XKR9: variants seen among roughly 807,000 people sequenced by gnomAD.
XKR9 encodes the protein XK related 9.
A neutral mutation model predicts 32.0 loss-of-function variants in XKR9; 32 were observed. The observed-to-expected ratio is 1.00, with a 90% CI of 0.76 to 1.34. The LOEUF is 1.34. XKR9 is among the 40% of genes most tolerant of loss of function. The probability of loss-of-function intolerance (pLI) is 0.00; values close to 1 mark genes in which losing one functional copy is unlikely to be tolerated. For synonymous variants in XKR9, 168 were observed against 143.4 expected (o/e 1.17, Z -1.22); for missense variants, 546 against 429.7 (o/e 1.27, Z -2.39).
chr8:71,033,690 TTCA>T, the XKR9 span, among the ~76,000 whole-genome samples: 3 of 152,258 alleles, frequency 2.0e-5, no homozygotes, highest in East Asian at 3.9e-4. Context: ...AGAGTCTGAC[TTCA>T]TCAGTTTCTC....
the XKR9 span, among the ~76,000 whole-genome samples, chr8:71,010,431 G>T: frequency 6.6e-6 from 1 of 152,164 alleles, no homozygotes; most frequent in Admixed American, 6.5e-5. Context: ...AAGAATGTTT[G>T]CAAAGCCTGT....
chr8:70,915,639 T>A, the XKR9 span, among the ~76,000 whole-genome samples: 2 of 152,208 alleles, frequency 1.3e-5, no homozygotes, highest in Non-Finnish European at 2.9e-5. Flanking sequence ...ACTGATTTTG[T>A]CTATAGGATG....
chr8:70,760,496 G>A (rs768975547), intron 2 of XKR9, among the ~76,000 whole-genome samples: 65 of 152,184 alleles, frequency 4.3e-4, no homozygotes, highest in African/African-American at 1.5e-3. Flanking sequence ...TAAAATATAT[G>A]CAACATAAAA....
chr8:70,920,963 G>A, the XKR9 span, among the ~76,000 whole-genome samples: 895 of 152,166 alleles, frequency 5.9e-3, 9 homozygotes, highest in African/African-American at 0.021. Context: ...ACATCACCTC[G>A]CAGAGTTCTC....
the XKR9 span, among the ~76,000 whole-genome samples, chr8:70,982,425 T>C: frequency 6.6e-6 from 1 of 152,116 alleles, no homozygotes; most frequent in East Asian, 1.9e-4. Flanking sequence ...AGGAGAATTA[T>C]GGCTGCCTCT....
the XKR9 span, among the ~76,000 whole-genome samples, chr8:71,041,608 G>C: frequency 1.3e-5 from 2 of 152,122 alleles, no homozygotes; most frequent in Non-Finnish European, 2.9e-5. Flanking sequence ...CCCACATGTG[G>C]AGGGAGGGAA....
At chr8:70,685,709 G>C (rs1397862330) in intron 3 of XKR9, among the ~76,000 whole-genome samples, 1 of 119,534 alleles carries the variant, frequency 8.4e-6, no homozygotes, top group Non-Finnish European at 1.6e-5. Context: ...ACAGGAAGGG[G>C]AACATCACAC....
the XKR9 span, among the ~76,000 whole-genome samples, chr8:70,887,938 C>T: frequency 1.4e-4 from 21 of 152,056 alleles, no homozygotes; most frequent in African/African-American, 4.1e-4. Flanking sequence ...TTGATTTCTC[C>T]GGCCAGAACT....
chr8:70,800,988 T>G, the XKR9 span, among the ~76,000 whole-genome samples: 5 of 151,814 alleles, frequency 3.3e-5, no homozygotes, highest in Non-Finnish European at 5.9e-5. Context: ...TAAGGTTTTT[T>G]TTTTTTTTTT....
chr8:70,712,127 A>G (rs528824176), intron 4 of XKR9, among the ~76,000 whole-genome samples: 1 of 152,310 alleles, frequency 6.6e-6, no homozygotes, highest in East Asian at 1.9e-4. Flanking sequence ...GTATAAGCAC[A>G]TAAGGACAGA....
At chr8:70,972,034 G>T in the XKR9 span, among the ~76,000 whole-genome samples, 1 of 152,108 alleles carries the variant, frequency 6.6e-6, no homozygotes, top group East Asian at 1.9e-4. Context: ...CATTGAATTT[G>T]TAGATTGCTT....
the XKR9 span, among the ~76,000 whole-genome samples, chr8:71,028,161 A>T: frequency 6.6e-6 from 1 of 152,222 alleles, no homozygotes. Flanking sequence ...GGTAGTATGG[A>T]CATTTTCACA....
the XKR9 span, among the ~76,000 whole-genome samples, chr8:70,798,473 T>C: frequency 2.0e-5 from 3 of 152,332 alleles, no homozygotes; most frequent in East Asian, 3.9e-4. Flanking sequence ...GTAAACAGTT[T>C]GCAAATATTT....
chr8:70,898,773 C>T, the XKR9 span, among the ~76,000 whole-genome samples: 1 of 152,106 alleles, frequency 6.6e-6, no homozygotes, highest in Non-Finnish European at 1.5e-5. Flanking sequence ...TCATAATTTA[C>T]AATGGATATT....
At chr8:71,012,952 AC>A in the XKR9 span, among the ~76,000 whole-genome samples, 1 of 152,182 alleles carries the variant, frequency 6.6e-6, no homozygotes, top group East Asian at 1.9e-4. Flanking sequence ...TGCCACTGAC[AC>A]TTTTATCCCT....
chr8:70,841,862 T>A, the XKR9 span, among the ~76,000 whole-genome samples: 1 of 152,192 alleles, frequency 6.6e-6, no homozygotes, highest in Non-Finnish European at 1.5e-5. Context: ...CCCAGGATCC[T>A]CCATTGTAAA....
the XKR9 span, among the ~76,000 whole-genome samples, chr8:71,054,830 AG>A: frequency 6.6e-6 from 1 of 152,204 alleles, no homozygotes; most frequent in Non-Finnish European, 1.5e-5. Flanking sequence ...AACTCTGCGC[AG>A]GTGTTGCTAA....
chr8:70,691,885 T>C (rs1484976207), intron 3 of XKR9, among the ~76,000 whole-genome samples: 2 of 152,218 alleles, frequency 1.3e-5, no homozygotes, highest in South Asian at 4.1e-4. Context: ...AGGATTGCCT[T>C]GACTATTTGG....
chr8:70,799,784 A>T, the XKR9 span, among the ~76,000 whole-genome samples: 1 of 152,118 alleles, frequency 6.6e-6, no homozygotes, highest in Non-Finnish European at 1.5e-5. Context: ...GGTTTTCTAG[A>T]TATAGGATCA....
Sources: gnomAD v4.1 joint callset for allele counts (sites outside exome capture counted in the v4.1 genomes callset) on GRCh38, gnomAD v4.1.1 for gene constraint, MANE v1.5 for transcripts, NCBI Gene and HGNC (gene_info 2026-07-23, HGNC 2026-07-21) for gene names.